DLG2: variants seen among roughly 807,000 people sequenced by gnomAD.
DLG2 encodes the protein discs large MAGUK scaffold protein 2.
DLG2 carries 45 observed loss-of-function variants against 132.5 expected under a neutral mutation model. The ratio of observed to expected loss-of-function variants is 0.34; its 90% CI spans 0.27 to 0.44. DLG2 has a LOEUF of 0.44. Among genes scored for constraint, DLG2 ranks in the 20% least tolerant of loss-of-function variants. DLG2 has a pLI of 1.00. For missense variants in DLG2, 1,045 were observed against 1,196.9 expected, an observed-to-expected ratio of 0.87 and a Z score of 1.87; for synonymous variants, 424 against 419.6, an observed-to-expected ratio of 1.01 and a Z score of -0.13.
At chr11:85,531,735 G>A (rs1209773934) in intron 3 of DLG2, among the ~76,000 whole-genome samples, 3 of 152,184 alleles carry the variant, frequency 2.0e-5, no homozygotes, top group African/African-American at 7.2e-5. Flanking sequence ...CACAGCGGTG[G>A]AGGGGTGGAG....
Position 84,582,814 on chromosome 11 carries a change from G to A in DLG2, c.358-48083C>T, listed in dbSNP as rs184333812. Among the ~76,000 whole-genome samples the A allele has an allele frequency of 2.8e-4, 42 of 152,248 alleles. No individual in the cohort carries two copies. The East Asian group carries it at 5.6e-3, about 20-fold the overall frequency. On this transcript the variant is annotated intron_variant, in intron 6 of 27. Coordinates refer to ENST00000376104, the MANE Select transcript of DLG2 (RefSeq NM_001142699.3). ...AATAAGGTCAAGATGAACAAAAAGA[G>A]TCTTGAATGAGAATGGCAGAAAGTG...
At chr11:84,234,141 C>T (rs1372618235) in intron 8 of DLG2, among the ~76,000 whole-genome samples, 1 of 152,158 alleles carries the variant, frequency 6.6e-6, no homozygotes, top group Non-Finnish European at 1.5e-5. Flanking sequence ...GGACAGCCCA[C>T]CCCGAGGGAA....
intron 17 of DLG2, among the ~76,000 whole-genome samples, chr11:83,828,901 T>C (rs1053568609): frequency 6.6e-6 from 1 of 152,154 alleles, no homozygotes; most frequent in African/African-American, 2.4e-5. Flanking sequence ...TATATACATA[T>C]ACATACATAT....
intron 21 of DLG2, among the ~76,000 whole-genome samples, chr11:83,526,986 T>G (rs928166380): frequency 1.3e-5 from 2 of 152,182 alleles, no homozygotes; most frequent in Non-Finnish European, 2.9e-5. Context: ...TCTTTACACC[T>G]CCACATTACT....
At chr11:85,006,667 C>CA (rs948134501) in intron 6 of DLG2, among the ~76,000 whole-genome samples, 24 of 151,062 alleles carry the variant, frequency 1.6e-4, no homozygotes, top group African/African-American at 2.7e-4. Flanking sequence ...TGATCTTTTT[C>CA]AAAAAAAACA....
intron 3 of DLG2, among the ~76,000 whole-genome samples, chr11:85,492,725 G>A (rs986942051): frequency 5.5e-5 from 8 of 145,614 alleles, no homozygotes; most frequent in African/African-American, 1.4e-4. Flanking sequence ...TAAAATATAG[G>A]TTACATGGCA....
At chr11:84,779,180 A>T (rs906579241) in intron 6 of DLG2, among the ~76,000 whole-genome samples, 4 of 146,290 alleles carry the variant, frequency 2.7e-5, no homozygotes, top group African/African-American at 7.5e-5. Flanking sequence ...CCTTTCTCAT[A>T]TATATATATG....
chr11:84,183,356 G>C (rs2096192620), intron 8 of DLG2, among the ~76,000 whole-genome samples: 1 of 152,150 alleles, frequency 6.6e-6, no homozygotes, highest in Admixed American at 6.6e-5. Context: ...TTACCACTCA[G>C]TTGTGGATGT....
At chr11:83,770,265 G>GTTTTGTTTTTTT (rs2094337717) in intron 18 of DLG2, among the ~76,000 whole-genome samples, 1 of 128,788 alleles carries the variant, frequency 7.8e-6, no homozygotes, top group South Asian at 2.6e-4. Flanking sequence ...GTTTTTTTTT[G>GTTTTGTTTTTTT]TTTTTTTGCT....
At chr11:85,141,038 G>A (rs1013323568) in intron 5 of DLG2, among the ~76,000 whole-genome samples, 1 of 151,780 alleles carries the variant, frequency 6.6e-6, no homozygotes, top group Non-Finnish European at 1.5e-5. Context: ...CAGGAGTGTA[G>A]GTATCTCTTC....
At chr11:83,796,227 G>C (rs1219834931) in intron 17 of DLG2, among the ~76,000 whole-genome samples, 4 of 152,110 alleles carry the variant, frequency 2.6e-5, no homozygotes, top group African/African-American at 7.2e-5. Flanking sequence ...TGTGACACTG[G>C]ATCAACACTA....
At chr11:85,416,447 A>G (rs1281344095) in intron 3 of DLG2, among the ~76,000 whole-genome samples, 3 of 152,170 alleles carry the variant, frequency 2.0e-5, no homozygotes. Context: ...TTCCATATAA[A>G]ATTTAAAGAA....
chr11:83,775,864 G>A (rs1224966246), intron 18 of DLG2, among the ~76,000 whole-genome samples: 12 of 152,132 alleles, frequency 7.9e-5, no homozygotes, highest in African/African-American at 2.4e-4. Context: ...AGGCCAAGGC[G>A]GGCGGATCAC....
chr11:85,059,403 G>C (rs1037791159), intron 6 of DLG2, among the ~76,000 whole-genome samples: 13 of 151,460 alleles, frequency 8.6e-5, no homozygotes, highest in Admixed American at 7.3e-4. Context: ...TCTAGCAATT[G>C]TACTACCAGT....
At chr11:84,007,691 T>C (rs1002192234) in intron 11 of DLG2, among the ~76,000 whole-genome samples, 4 of 151,702 alleles carry the variant, frequency 2.6e-5, no homozygotes, top group African/African-American at 9.7e-5. Flanking sequence ...CGTAAAGAGA[T>C]AATATATGAC....
intron 11 of DLG2, among the ~76,000 whole-genome samples, chr11:84,031,648 T>C (rs1475787390): frequency 6.6e-6 from 1 of 152,182 alleles, no homozygotes; most frequent in Non-Finnish European, 1.5e-5. Flanking sequence ...TAAACATTTG[T>C]TACACAATAG....
chr11:84,966,850 G>A (rs2053419446), intron 6 of DLG2, among the ~76,000 whole-genome samples: 1 of 152,144 alleles, frequency 6.6e-6, no homozygotes, highest in Non-Finnish European at 1.5e-5. Context: ...GAAAGTATGG[G>A]GCGTTGGATC....
chr11:84,404,379 T>C (rs563279625), intron 7 of DLG2, among the ~76,000 whole-genome samples: 9 of 152,174 alleles, frequency 5.9e-5, no homozygotes, highest in Non-Finnish European at 1.2e-4. Context: ...ATACTACCTC[T>C]TTGAGAAGGC....
At chr11:85,393,899 A>T (rs914841052) in intron 3 of DLG2, among the ~76,000 whole-genome samples, 1 of 152,044 alleles carries the variant, frequency 6.6e-6, no homozygotes, top group Non-Finnish European at 1.5e-5. Context: ...GACATTGGGG[A>T]CTCAGGAGAA....
Sources: allele counts gnomAD v4.1 joint callset (sites outside exome capture counted in the v4.1 genomes callset), GRCh38; gene constraint gnomAD v4.1.1; transcripts MANE v1.5; gene names NCBI Gene and HGNC (gene_info 2026-07-23, HGNC 2026-07-21).